PIEZO2: variants seen among roughly 807,000 people sequenced by gnomAD.
PIEZO2 encodes the protein piezo-type mechanosensitive ion channel component 2.
PIEZO2 carries 172 observed loss-of-function variants against 337.3 expected under a neutral mutation model. The ratio of observed to expected loss-of-function variants is 0.51; its 90% CI spans 0.45 to 0.58. The LOEUF (loss-of-function observed/expected upper bound fraction) is 0.58, where lower values mean the gene tolerates loss of function less well. Ranked by LOEUF, PIEZO2 falls within the 20% of genes least tolerant of loss-of-function variation. The pLI is 0.00. For missense variants in PIEZO2, 3,028 were observed against 3,391.3 expected (o/e 0.89, Z 2.66); for synonymous variants, 1,251 against 1,228.5 (o/e 1.02, Z -0.38).
Position 10,794,852 on chromosome 18 carries a change from T to C in PIEZO2, c.1678A>G (p.Ile560Val), listed in dbSNP as rs1299914052. The C allele has an allele frequency of 1.3e-6, 2 of 1,537,102 alleles. No individual in the cohort carries two copies. The highest frequency in any genetic ancestry group is 2.0e-5 in the Admixed American group (1 of 50,980). The part of the protein sequence containing the change: ...YGNLLLILQY[I>V]WSFELPEIKK... ...ATTTCAGGAAGTTCAAAACTCCATA[T>C]ATACTGTAATATCAACAATAGGTTT... The change falls in exon 13 of 56, where the codon ATA becomes GTA. Residue 560 changes from isoleucine (I) to valine (V), a missense_variant. By Grantham distance (29) the Ile-to-Val change is conservative. Transcript: ENST00000674853. This position sits in a 1 kb window ranked among gnomAD's most constrained non-coding sequence, Gnocchi z 6.6.
intron 5 of PIEZO2, among the ~76,000 whole-genome samples, chr18:10,869,523 C>T (rs1461661838): frequency 6.6e-6 from 1 of 151,990 alleles, no homozygotes; most frequent in Non-Finnish European, 1.5e-5. Flanking sequence ...TAACAAATAC[C>T]CAGTCTGAAG....
In PIEZO2 at chr18:11,092,997, C is replaced by T. The variant is rs1352913459; in HGVS notation, c.65-26775G>A. On this transcript the variant is annotated intron_variant, in intron 1 of 55. Transcript: ENST00000674853. The surrounding 1 kb of genome is among the most constrained non-coding windows in gnomAD (Gnocchi z 4.5). Reference sequence around the variant, plus strand: ...TAACGAGCCCAAGAGCTTATAATATCGAGTGTGTTTGAGGTCAGGGCCATT... The same window carrying T: ...TAACGAGCCCAAGAGCTTATAATATTGAGTGTGTTTGAGGTCAGGGCCATT... Among the ~76,000 whole-genome samples, 1 of 152,158 alleles carries T rather than the reference C, an allele frequency of 6.6e-6. No homozygotes were observed. Among genetic ancestry groups the T allele is most frequent in the East Asian group, 1.9e-4 (1 of 5,190 alleles).
chr18:10,961,902 T>C (rs1025470890), intron 3 of PIEZO2, among the ~76,000 whole-genome samples: 2 of 152,152 alleles, frequency 1.3e-5, no homozygotes, highest in Non-Finnish European at 2.9e-5. Flanking sequence ...ACACAAGGAC[T>C]TTCCCTAGAG....
At chr18:11,061,127 G>A (rs575904802) in intron 2 of PIEZO2, among the ~76,000 whole-genome samples, 7 of 152,138 alleles carry the variant, frequency 4.6e-5, no homozygotes, top group African/African-American at 1.2e-4. Context: ...ACGTAATCCA[G>A]CATATAAACA....
At chr18:11,135,969 T>C (rs1438930526) in intron 1 of PIEZO2, among the ~76,000 whole-genome samples, 1 of 152,226 alleles carries the variant, frequency 6.6e-6, no homozygotes, top group Non-Finnish European at 1.5e-5. Context: ...TAAGATAATA[T>C]CTGACATTTG....
chr18:10,760,506 T>C (rs2038079717), intron 24 of PIEZO2, among the ~76,000 whole-genome samples: 1 of 152,204 alleles, frequency 6.6e-6, no homozygotes, highest in Non-Finnish European at 1.5e-5. Flanking sequence ...GGTTCCACCA[T>C]GTTGCCCAGG....
intron 4 of PIEZO2, chr18:10,890,636 T>A (rs264222): frequency 6.6e-6 from 1 of 151,776 alleles, no homozygotes; most frequent in African/African-American, 2.4e-5. Flanking sequence ...AACTCACTCG[T>A]TATCACGAGA....
chr18:10,814,185 G>A lies in PIEZO2; in HGVS notation c.918-6911C>T, dbSNP rs192533032. Among the ~76,000 whole-genome samples, 536 of 152,032 alleles carry A rather than the reference G, an allele frequency of 3.5e-3. 4 individuals are homozygous for A. Among genetic ancestry groups the A allele is most frequent in the Admixed American group, 0.02 (307 of 15,278 alleles). ...AGGGTTTCACTGTGTTAGCCAGGATGGTCTTGATCTCCTGACCTCATGATC... is the reference window on the plus strand; with the variant it reads ...AGGGTTTCACTGTGTTAGCCAGGATAGTCTTGATCTCCTGACCTCATGATC... On this transcript the variant is annotated intron_variant, in intron 7 of 55. Coordinates refer to ENST00000674853, the MANE Select transcript of PIEZO2 (RefSeq NM_001378183.1).
At chr18:11,133,558 C>A (rs2040398352) in intron 1 of PIEZO2, among the ~76,000 whole-genome samples, 1 of 152,028 alleles carries the variant, frequency 6.6e-6, no homozygotes, top group African/African-American at 2.4e-5. Flanking sequence ...CTGGTGGGCA[C>A]AATCTAATCA....
intron 2 of PIEZO2, among the ~76,000 whole-genome samples, chr18:10,984,462 G>A (rs541556890): frequency 7.2e-4 from 109 of 152,166 alleles, no homozygotes; most frequent in African/African-American, 2.5e-3. Flanking sequence ...TTAATGGAGA[G>A]TTTCAACAGC....
At chr18:10,740,890 A>T in intron 33 of PIEZO2, 141 bp downstream of exon 33, 1 of 865,390 alleles carries the variant, frequency 1.2e-6, no homozygotes, top group Non-Finnish European at 1.9e-6. Flanking sequence ...TGACATTAAA[A>T]TTTTCCTACA....
At chr18:10,966,589 G>A (rs1318543529) in intron 3 of PIEZO2, among the ~76,000 whole-genome samples, 1 of 152,010 alleles carries the variant, frequency 6.6e-6, no homozygotes, top group Non-Finnish European at 1.5e-5. Flanking sequence ...TTGAATCACT[G>A]GAGTAGCTGT....
Position 11,132,380 on chromosome 18 carries a change from A to T in PIEZO2, c.64+16145T>A, listed in dbSNP as rs2040365222. Among the ~76,000 whole-genome samples, 1 of 152,184 alleles carries T rather than the reference A, an allele frequency of 6.6e-6. No homozygotes were observed. The highest frequency in any genetic ancestry group is 6.5e-5 in the Admixed American group (1 of 15,286). On this transcript the variant is annotated intron_variant, in intron 1 of 55. Coordinates refer to ENST00000674853, the MANE Select transcript of PIEZO2 (RefSeq NM_001378183.1). The surrounding 1 kb of genome is among the most constrained non-coding windows in gnomAD (Gnocchi z 4.7). ...CCATCATTCTGAAGCAGGTGGATTG[A>T]TAGAACGGTGGAATGGCCTTTTGAA... is the stretch of plus-strand genomic sequence containing the variant.
chr18:11,102,445 G>A lies in PIEZO2; in HGVS notation c.65-36223C>T, dbSNP rs1026430139. The stretch of plus-strand genomic sequence containing the variant: ...CTGATTGAAGATCGAATCTCACCCT[G>A]TCCCCCACCAGGCTGGTGCAGTGGC... On this transcript the variant is annotated intron_variant, in intron 1 of 55. Coordinates refer to ENST00000674853, the MANE Select transcript of PIEZO2 (RefSeq NM_001378183.1). This position sits in a 1 kb window ranked among gnomAD's most constrained non-coding sequence, Gnocchi z 5.7. Among the ~76,000 whole-genome samples the A allele has an allele frequency of 6.6e-6, 1 of 152,154 alleles. No homozygotes were observed. The highest frequency in any genetic ancestry group is 2.4e-5 in the African/African-American group (1 of 41,440).
chr18:10,974,367 G>A (rs2034357901), intron 3 of PIEZO2, among the ~76,000 whole-genome samples: 1 of 152,202 alleles, frequency 6.6e-6, no homozygotes, highest in African/African-American at 2.4e-5. Context: ...CAGGGGGAAA[G>A]AGCAATGCAT....
intron 8 of PIEZO2, among the ~76,000 whole-genome samples, chr18:10,805,653 A>C (rs145004429): frequency 9.2e-5 from 14 of 152,368 alleles, no homozygotes; most frequent in African/African-American, 3.4e-4. Context: ...TTTAGAAGAG[A>C]ACTGAAGAAA....
Position 10,705,765 on chromosome 18 carries a change from G to T in PIEZO2, c.5589-19C>A, listed in dbSNP as rs1042824434. 3.3e-6 allele frequency: 5 copies of T among 1,502,002 alleles called. No homozygotes were observed. The East Asian group carries it at 1.2e-4, about 37-fold the overall frequency. The allele number at this position is 1,502,002 out of a possible 1,614,324, so 93.0% of individuals were successfully genotyped here. A position where few individuals can be genotyped will look rare whatever the true frequency, so the allele number is the denominator to read the frequency against. ...GGGCTCGCTGTTGGGAGAAAGCGTG[G>T]GCACAGAGCCCATGTCTTAGCATCC... On this transcript the variant is annotated intron_variant, in intron 40 of 55. Coordinates refer to ENST00000674853, the MANE Select transcript of PIEZO2 (RefSeq NM_001378183.1).
intron 18 of PIEZO2, among the ~76,000 whole-genome samples, chr18:10,776,852 C>T (rs1173596449): frequency 6.6e-6 from 1 of 151,960 alleles, no homozygotes; most frequent in Non-Finnish European, 1.5e-5. Flanking sequence ...TCTTGATTTT[C>T]CAAAAACAAA....
In PIEZO2 at chr18:11,148,891, G is replaced by A. The variant is rs1364985016; in HGVS notation, c.-303C>T. ...GAATCCTGGATCCGGCAGCGGCGGC[G>A]GCTTCTTCAGGGGTAGCTGATGCCG... On this transcript the variant is annotated 5_prime_UTR_variant, in exon 1 of 56. Coordinates refer to ENST00000674853, the MANE Select transcript of PIEZO2 (RefSeq NM_001378183.1). The surrounding 1 kb of genome is among the most constrained non-coding windows in gnomAD (Gnocchi z 5.2). 1 of 345,554 alleles carries A rather than the reference G, an allele frequency of 2.9e-6. No individual in the cohort carries two copies. Among genetic ancestry groups the A allele is most frequent in the Non-Finnish European group, 5.1e-6 (1 of 194,222 alleles). The allele number at this position is 345,554 out of a possible 1,614,324, so 21.4% of individuals were successfully genotyped here.
Sources: gnomAD v4.1 joint callset for allele counts (sites outside exome capture counted in the v4.1 genomes callset) on GRCh38, gnomAD v4.1.1 for gene constraint, Gnocchi (gnomAD v3.1) non-coding constraint, MANE v1.5 for transcripts, NCBI Gene and HGNC (gene_info 2026-07-23, HGNC 2026-07-21) for gene names.